PDE11A: variants seen among roughly 807,000 people sequenced by gnomAD.
PDE11A encodes the protein phosphodiesterase 11A.
PDE11A carries 100 observed loss-of-function variants against 100.5 expected under a neutral mutation model. The observed-to-expected ratio is 1.00, with a 90% CI of 0.85 to 1.18. The LOEUF (loss-of-function observed/expected upper bound fraction) is 1.18. Ranked by LOEUF, PDE11A falls within the 50% of genes most tolerant of loss-of-function variation. The pLI is 0.00. For missense variants in PDE11A, 1,141 were observed against 1,152.6 expected (o/e 0.99, Z 0.15); for synonymous variants, 381 against 420.8 (o/e 0.91, Z 1.16).
chr2:177,673,046 A>C (rs2105492637), intron 17 of PDE11A, among the ~76,000 whole-genome samples: 1 of 152,338 alleles, frequency 6.6e-6, no homozygotes, highest in South Asian at 2.1e-4. Context: ...GAAGAGAGAA[A>C]GAAATAAATA....
chr2:178,038,386 A>G (rs913820178), intron 1 of PDE11A, among the ~76,000 whole-genome samples: 3 of 151,978 alleles, frequency 2.0e-5, no homozygotes, highest in African/African-American at 7.2e-5. Flanking sequence ...GCCATGCAGT[A>G]TGCATTCTTG....
At chr2:177,995,910 T>C (rs1372958017) in intron 2 of PDE11A, among the ~76,000 whole-genome samples, 1 of 152,158 alleles carries the variant, frequency 6.6e-6, no homozygotes, top group African/African-American at 2.4e-5. Flanking sequence ...ATTTCACCAA[T>C]AGCAATCTCC....
intron 1 of PDE11A, among the ~76,000 whole-genome samples, chr2:178,019,168 A>G (rs1011148452): frequency 6.6e-6 from 1 of 152,246 alleles, no homozygotes; most frequent in African/African-American, 2.4e-5. Flanking sequence ...TTCAGTTGAT[A>G]TCAGCTACTG....
intron 1 of PDE11A, among the ~76,000 whole-genome samples, chr2:178,045,197 G>A (rs1040235623): frequency 2.6e-5 from 4 of 152,140 alleles, no homozygotes; most frequent in African/African-American, 9.7e-5. Context: ...ATATATGCAA[G>A]TATAAGACCT....
At chr2:177,683,816 G>T (rs1381617911) in intron 15 of PDE11A, among the ~76,000 whole-genome samples, 1 of 152,132 alleles carries the variant, frequency 6.6e-6, no homozygotes, top group Non-Finnish European at 1.5e-5. Context: ...AGTGGAAAGA[G>T]CCCAGGTTTG....
At chr2:178,034,987 A>G (rs1475455207) in intron 1 of PDE11A, among the ~76,000 whole-genome samples, 1 of 152,210 alleles carries the variant, frequency 6.6e-6, no homozygotes, top group African/African-American at 2.4e-5. Flanking sequence ...GAGCAAACAC[A>G]TTCAAAAGCT....
At chr2:177,956,243 G>A (rs2085560615) in intron 2 of PDE11A, among the ~76,000 whole-genome samples, 1 of 152,102 alleles carries the variant, frequency 6.6e-6, no homozygotes, top group Non-Finnish European at 1.5e-5. Flanking sequence ...TCAAAAAGTG[G>A]GCGAAGGATA....
intron 1 of PDE11A, among the ~76,000 whole-genome samples, chr2:178,063,463 C>G (rs1430767960): frequency 6.6e-6 from 1 of 152,124 alleles, no homozygotes; most frequent in Non-Finnish European, 1.5e-5. Flanking sequence ...TGCAGGGCCG[C>G]ATAGGGAAAG....
chr2:177,623,914 C>G lies in PDE11A; in HGVS notation c.*5493G>C, dbSNP rs1219172586. ...TTACTAGCTGAAGACAAGGTCATGA[C>G]AAACAGTGTCAGCATGACATTGGGC... is the stretch of plus-strand genomic sequence containing the variant. On this transcript the variant is annotated 3_prime_UTR_variant, in exon 20 of 20. Coordinates refer to ENST00000286063, the MANE Select transcript of PDE11A (RefSeq NM_016953.4). 1.3e-5 allele frequency: 2 copies of G among 152,224 alleles called. No individual in the cohort carries two copies. The highest frequency in any genetic ancestry group is 2.9e-5 in the Non-Finnish European group (2 of 68,028). The allele number at this position is 152,224 out of a possible 1,614,324, so 9.4% of individuals were successfully genotyped here.
chr2:177,966,926 G>A (rs1028491657), intron 2 of PDE11A, among the ~76,000 whole-genome samples: 28 of 152,128 alleles, frequency 1.8e-4, no homozygotes, highest in African/African-American at 4.3e-4. Context: ...TCATAGAATT[G>A]GTGACAGCTC....
At position 178,087,896 on chromosome 2, in the gene PDE11A, GT is replaced by G. The variant is rs60232128; in HGVS notation, c.162+16405del. Among the ~76,000 whole-genome samples, 556 of 148,798 alleles carry G rather than the reference GT, an allele frequency of 3.7e-3. 8 individuals carry two copies. Among genetic ancestry groups the G allele is most frequent in the African/African-American group, 0.013 (524 of 40,590 alleles). ...ACAGTGGTTCTGTTTTAAACACTGA[GT>G]TTTTTTTTTGTTTTTTTCTTTTTGG... On this transcript the variant is annotated intron_variant, in intron 2 of 20. Transcript: ENST00000358450.
intron 3 of PDE11A, among the ~76,000 whole-genome samples, chr2:177,902,521 C>T (rs559406450): frequency 5.8e-4 from 89 of 152,302 alleles, no homozygotes; most frequent in African/African-American, 2.1e-3. Flanking sequence ...ATGTCACTTG[C>T]CTTCCAGGAA....
At chr2:178,098,654 G>C (rs1015123672) in intron 2 of PDE11A, among the ~76,000 whole-genome samples, 12 of 151,894 alleles carry the variant, frequency 7.9e-5, no homozygotes, top group Non-Finnish European at 1.6e-4. Flanking sequence ...AATAAATTTA[G>C]TTGGTAGAGG....
chr2:177,862,939 A>C (rs903747467), intron 5 of PDE11A, among the ~76,000 whole-genome samples: 2 of 152,002 alleles, frequency 1.3e-5, no homozygotes, highest in Non-Finnish European at 2.9e-5. Context: ...ATTATATTAC[A>C]AAGCTATAGT....
chr2:177,752,869 A>G (rs968309949), intron 10 of PDE11A, among the ~76,000 whole-genome samples: 24 of 152,370 alleles, frequency 1.6e-4, no homozygotes, highest in African/African-American at 5.3e-4. Context: ...TGCAGAATTA[A>G]CATGCATGTA....
rs959026358 is a variant in PDE11A, at chr2:178,004,774, A to G, written c.1071+9528T>C. On this transcript the variant is annotated intron_variant, in intron 2 of 19. Transcript: ENST00000286063. Reference sequence around the variant, plus strand: ...CGCAGCAAGCTCTCCTTACCCCCCAAACTTTTCCTCCTAGATGTGCCAGAG... The same window carrying G: ...CGCAGCAAGCTCTCCTTACCCCCCAGACTTTTCCTCCTAGATGTGCCAGAG... Among the ~76,000 whole-genome samples, 11 of 151,980 alleles carry G rather than the reference A, an allele frequency of 7.2e-5. 1 individual carries two copies. The highest frequency in any genetic ancestry group is 2.7e-4 in the African/African-American group (11 of 41,376).
At chr2:177,851,994 T>A (rs2083719472) in intron 5 of PDE11A, among the ~76,000 whole-genome samples, 1 of 152,134 alleles carries the variant, frequency 6.6e-6, no homozygotes, top group African/African-American at 2.4e-5. Context: ...AGGGAGAGCA[T>A]GCCATATTTG....
chr2:178,083,198 C>A (rs1251997468), intron 2 of PDE11A, among the ~76,000 whole-genome samples: 1 of 150,880 alleles, frequency 6.6e-6, no homozygotes, highest in African/African-American at 2.4e-5. Context: ...CTCCCGGGTT[C>A]AAGCAATTCT....
At chr2:177,852,763 C>A (rs376481434) in intron 5 of PDE11A, among the ~76,000 whole-genome samples, 8 of 152,086 alleles carry the variant, frequency 5.3e-5, no homozygotes, top group Admixed American at 1.3e-4. Context: ...GCAGAGCCAG[C>A]CTGTCAGCTC....
Sources: allele counts gnomAD v4.1 joint callset (sites outside exome capture counted in the v4.1 genomes callset), GRCh38; gene constraint gnomAD v4.1.1; transcripts MANE v1.5; gene names NCBI Gene and HGNC (gene_info 2026-07-23, HGNC 2026-07-21).